PCDH9: variants seen among roughly 807,000 people sequenced by gnomAD.
PCDH9 encodes the protein protocadherin 9.
A neutral mutation model predicts 70.6 loss-of-function variants in PCDH9; 24 were observed. The ratio of observed to expected loss-of-function variants is 0.34; its 90% confidence interval spans 0.25 to 0.48. The LOEUF is 0.48. Ranked by LOEUF, PCDH9 falls within the 20% of genes least tolerant of loss-of-function variation. PCDH9 has a pLI of 0.99. For synonymous variants in PCDH9, 562 were observed against 558.5 expected, an observed-to-expected ratio of 1.01 and a Z score of -0.09; for missense variants, 1,281 against 1,503.6, an observed-to-expected ratio of 0.85 and a Z score of 2.45.
intron 2 of PCDH9, among the ~76,000 whole-genome samples, chr13:67,173,446 A>G (rs1566473738): frequency 6.6e-6 from 1 of 152,218 alleles, no homozygotes; most frequent in East Asian, 1.9e-4. Flanking sequence ...TCCAACTACA[A>G]CCCTGATTCA....
At chr13:66,980,232 A>G (rs1209539975) in intron 2 of PCDH9, among the ~76,000 whole-genome samples, 1 of 151,834 alleles carries the variant, frequency 6.6e-6, no homozygotes, top group Non-Finnish European at 1.5e-5. Flanking sequence ...AAACTGGGGG[A>G]CATTCTTAAT....
At chr13:67,041,466 C>G (rs2085111963) in intron 2 of PCDH9, among the ~76,000 whole-genome samples, 1 of 152,152 alleles carries the variant, frequency 6.6e-6, no homozygotes, top group Admixed American at 6.6e-5. Flanking sequence ...CTCCCTGAAG[C>G]TGTAAAAATT....
intron 2 of PCDH9, among the ~76,000 whole-genome samples, chr13:66,997,630 C>T (rs1443726648): frequency 6.6e-6 from 1 of 152,086 alleles, no homozygotes; most frequent in African/African-American, 2.4e-5. Context: ...CGCCTCCCGG[C>T]TTCAAGCCAT....
At chr13:66,561,832 A>C (rs2138709643) in intron 4 of PCDH9, among the ~76,000 whole-genome samples, 1 of 152,236 alleles carries the variant, frequency 6.6e-6, no homozygotes, top group East Asian at 1.9e-4. Context: ...AGAGAATAAA[A>C]GCAGGCTGCC....
At chr13:67,013,698 G>T (rs1416787041) in intron 2 of PCDH9, among the ~76,000 whole-genome samples, 1 of 150,246 alleles carries the variant, frequency 6.7e-6, no homozygotes, top group South Asian at 2.1e-4. Context: ...TTAATTGGTT[G>T]TCCTTGGATA....
intron 4 of PCDH9, among the ~76,000 whole-genome samples, chr13:66,609,780 T>C (rs2077268077): frequency 6.6e-6 from 1 of 152,052 alleles, no homozygotes; most frequent in Admixed American, 6.5e-5. Flanking sequence ...AACATTCATA[T>C]ATTCATAAAA....
At chr13:66,707,804 T>C (rs2078730856) in intron 3 of PCDH9, among the ~76,000 whole-genome samples, 1 of 152,202 alleles carries the variant, frequency 6.6e-6, no homozygotes, top group Non-Finnish European at 1.5e-5. Flanking sequence ...TGTATTGAAT[T>C]ACCAACCAAT....
chr13:66,450,360 A>T (rs1958180573), intron 4 of PCDH9, among the ~76,000 whole-genome samples: 2 of 152,216 alleles, frequency 1.3e-5, no homozygotes, highest in Non-Finnish European at 2.9e-5. Flanking sequence ...GACATGAGAA[A>T]GCATTGTCTA....
intron 2 of PCDH9, chr13:67,224,043 C>T (rs1161345306): frequency 6.6e-6 from 1 of 152,078 alleles, no homozygotes; most frequent in Non-Finnish European, 1.5e-5. Flanking sequence ...TCCTACTTCA[C>T]CCCACCCTCA....
At chr13:67,044,428 C>A (rs538898777) in intron 2 of PCDH9, among the ~76,000 whole-genome samples, 1 of 152,108 alleles carries the variant, frequency 6.6e-6, no homozygotes, top group African/African-American at 2.4e-5. Context: ...GCATCCTTAG[C>A]GCTTCTCAAA....
intron 3 of PCDH9, among the ~76,000 whole-genome samples, chr13:66,635,490 G>A (rs1337004414): frequency 6.6e-6 from 1 of 152,128 alleles, no homozygotes; most frequent in East Asian, 1.9e-4. Context: ...ACATGGGGGT[G>A]TAGAGACAGG....
At chr13:67,074,924 C>A (rs1282532715) in intron 2 of PCDH9, among the ~76,000 whole-genome samples, 1 of 152,008 alleles carries the variant, frequency 6.6e-6, no homozygotes, top group African/African-American at 2.4e-5. Context: ...GGTACCCTAT[C>A]AAGCACTCTG....
chr13:66,745,883 A>G lies in PCDH9; in HGVS notation c.3139-114472T>C, dbSNP rs192045306. ...AAGATATGATTAGAATTTGCCAACAAGGAGAACATTTTTACTTTGCTCAAG... is the reference window on the plus strand; with the variant it reads ...AAGATATGATTAGAATTTGCCAACAGGGAGAACATTTTTACTTTGCTCAAG... On this transcript the variant is annotated intron_variant, in intron 3 of 4. Transcript: ENST00000377865. Among the ~76,000 whole-genome samples, 23 of 152,332 alleles carry G rather than the reference A, an allele frequency of 1.5e-4. No individual in the cohort carries two copies. The East Asian group carries it at 4.1e-3, about 27-fold the overall frequency.
At chr13:67,087,109 A>G (rs2086123573) in intron 2 of PCDH9, among the ~76,000 whole-genome samples, 1 of 151,106 alleles carries the variant, frequency 6.6e-6, no homozygotes. Flanking sequence ...AAAAAAAAAA[A>G]ATTAAAGGAT....
At chr13:67,026,416 A>T (rs957036242) in intron 2 of PCDH9, among the ~76,000 whole-genome samples, 1 of 152,094 alleles carries the variant, frequency 6.6e-6, no homozygotes. Flanking sequence ...ACGTATCTCA[A>T]AATAATAAGA....
intron 2 of PCDH9, among the ~76,000 whole-genome samples, chr13:67,147,915 T>C (rs1280262538): frequency 6.6e-6 from 1 of 152,114 alleles, no homozygotes; most frequent in Non-Finnish European, 1.5e-5. Context: ...AGTAAATGAG[T>C]ATGCATTACA....
chr13:67,225,532 T>C lies in PCDH9; in HGVS notation c.2909A>G (p.Asp970Gly). 6.2e-7 allele frequency: 1 copy of C among 1,614,088 alleles called. No individual in the cohort carries two copies. Among genetic ancestry groups the C allele is most frequent in the Non-Finnish European group, 8.5e-7 (1 of 1,179,996 alleles). The change falls in exon 2 of 5, where the codon GAC (aspartate) becomes GGC (glycine). Residue 970 changes from aspartate (D) to glycine (G), a missense_variant. By Grantham distance (94) the Asp-to-Gly change is moderately conservative. This residue lies in a region of PCDH9 where 207 missense variants were observed against 191.8 expected (regional missense o/e 1.08). Coordinates refer to ENST00000377865, the MANE Select transcript of PCDH9 (RefSeq NM_203487.3). ...KHHVIQELPL[D>G]NTFVGGCDTL... is the part of the protein sequence containing the mutation. ...GTCACAACCCCCAACAAAGGTGTTG[T>C]CCAAAGGGAGTTCCTGAATCACGTG...
chr13:66,744,477 T>C (rs2079326341), intron 3 of PCDH9, among the ~76,000 whole-genome samples: 1 of 152,170 alleles, frequency 6.6e-6, no homozygotes, highest in Non-Finnish European at 1.5e-5. Flanking sequence ...ACCAATCTCT[T>C]GTCCTAAATA....
chr13:66,948,056 T>G (rs1005115965), intron 2 of PCDH9, among the ~76,000 whole-genome samples: 1 of 152,246 alleles, frequency 6.6e-6, no homozygotes, highest in African/African-American at 2.4e-5. Context: ...CATTGTCAAC[T>G]TATGTGGATG....
Sources: allele counts gnomAD v4.1 joint callset (sites outside exome capture counted in the v4.1 genomes callset), GRCh38; gene constraint gnomAD v4.1.1; regional missense constraint gnomAD v4.1.1; transcripts MANE v1.5; gene names NCBI Gene and HGNC (gene_info 2026-07-23, HGNC 2026-07-21).